Variants in CLUAP1 observed in about 807,000 individuals in gnomAD.
CLUAP1 encodes the protein intraflagellar transport 38.
CLUAP1 carries 50 observed loss-of-function variants against 55.0 expected under a neutral mutation model. That is an observed-to-expected ratio of 0.91 (90% CI 0.72 to 1.15). The LOEUF is 1.15. Among genes scored for constraint, CLUAP1 ranks in the 50% most tolerant of loss-of-function variants. CLUAP1 has a pLI of 0.00. For missense variants in CLUAP1, 530 were observed against 507.6 expected (o/e 1.04, Z -0.42); for synonymous variants, 195 against 175.4 (o/e 1.11, Z -0.88).
intron 10 of CLUAP1, among the ~76,000 whole-genome samples, chr16:3,531,521 C>CA (rs555725934): frequency 0.049 from 5,893 of 120,166 alleles, 143 homozygotes; most frequent in Admixed American, 0.08. Flanking sequence ...GACTCCGTCT[C>CA]AAAAAAAAAA....
At chr16:3,531,411 A>G (rs2151070372) in intron 10 of CLUAP1, among the ~76,000 whole-genome samples, 1 of 152,176 alleles carries the variant, frequency 6.6e-6, no homozygotes, top group East Asian at 1.9e-4. Flanking sequence ...AGTCCCAGCT[A>G]CTCGGGAGGC....
rs80187466 is a variant in CLUAP1, at chr16:3,504,840, G to T, written c.134+9G>T. The T allele has an allele frequency of 0.023, 33,300 of 1,469,892 alleles. 751 individuals carry two copies. Among genetic ancestry groups the T allele is most frequent in the African/African-American group, 0.1 (7,389 of 71,762 alleles). The allele number at this position is 1,469,892 out of a possible 1,614,324, so 91.1% of individuals were successfully genotyped here. On this transcript the variant is annotated intron_variant, in intron 2 of 11. Transcript: ENST00000576634. Reference sequence around the variant, plus strand: ...CTCTGGCTTGTGAAAAGGTTCGAACGGCACTTTATTGACATCTAAGAGTGA... The same window carrying T: ...CTCTGGCTTGTGAAAAGGTTCGAACTGCACTTTATTGACATCTAAGAGTGA...
chr16:3,511,008 G>A (rs1185660711), intron 4 of CLUAP1, among the ~76,000 whole-genome samples: 2 of 152,192 alleles, frequency 1.3e-5, no homozygotes, highest in African/African-American at 2.4e-5. Flanking sequence ...AGAAAAGACG[G>A]GGGGTCCAGG....
rs1481893938 is a variant in CLUAP1, at chr16:3,537,478, GGACAACTA to G, written c.*1208_*1215del. 4 of 152,114 alleles carry G rather than the reference GGACAACTA, an allele frequency of 2.6e-5. No individual in the cohort carries two copies. 9.4% of individuals were successfully genotyped at this position (152,114 alleles called of 1,614,324 possible). ...GAGCCCAGGAGTTTTAGACTAGCCTGGACAACTAAGTGAGACTCCATCTCTACAAAAAA... is the reference window on the plus strand; with the variant it reads ...GAGCCCAGGAGTTTTAGACTAGCCTGAGTGAGACTCCATCTCTACAAAAAA... On this transcript the variant is annotated 3_prime_UTR_variant, in exon 12 of 12. Transcript: ENST00000576634.
chr16:3,521,732 G>A (rs1004832551), intron 7 of CLUAP1, among the ~76,000 whole-genome samples: 2 of 151,586 alleles, frequency 1.3e-5, no homozygotes, highest in African/African-American at 4.8e-5. Context: ...CATCACGCCT[G>A]GCCTTTTTAA....
chr16:3,535,972 C>A, intron 11 of CLUAP1, 150 bp from the exon 12 acceptor site: 2 of 812,506 alleles, frequency 2.5e-6, no homozygotes, highest in East Asian at 2.7e-5. Context: ...TCAGTCCCAT[C>A]TGTATGCCCT....
the CLUAP1 span, chr16:3,495,592 A>G: frequency 5.3e-4 from 725 of 1,379,636 alleles, no homozygotes; most frequent in Non-Finnish European, 6.7e-4. Context: ...GACAGTGCCC[A>G]AGGCAAGGGC....
chr16:3,508,309 ACT>A lies in CLUAP1; in HGVS notation c.242_243del (p.Leu81GlnfsTer3). The A allele has an allele frequency of 6.2e-7, 1 of 1,602,490 alleles. No individual in the cohort carries two copies. Among genetic ancestry groups the A allele is most frequent in the Non-Finnish European group, 8.5e-7 (1 of 1,177,102 alleles). On this transcript the variant is annotated frameshift_variant, in exon 4 of 12. Transcript: ENST00000576634. LOFTEE classifies it high-confidence loss of function. Reference sequence around the variant, plus strand: ...AATAGGCCACCAAGGCACATATAAAACTCAACACTAAGAAGCTTTATCAAGCA... The same window carrying A: ...AATAGGCCACCAAGGCACATATAAAACAACACTAAGAAGCTTTATCAAGCA... ...QFMATKAHIK[L>X]NTKKLYQADG... is the part of the protein sequence containing the mutation.
At chr16:3,530,711 G>A (rs746327405) in intron 10 of CLUAP1, 36 bp downstream of exon 10, 16 of 1,547,404 alleles carry the variant, frequency 1.0e-5, no homozygotes, top group East Asian at 9.0e-5. Flanking sequence ...TCCTCCCTGC[G>A]CCCTGTTTCA....
At chr16:3,495,869 G>A in the CLUAP1 span, among the ~76,000 whole-genome samples, 1 of 152,180 alleles carries the variant, frequency 6.6e-6, no homozygotes, top group African/African-American at 2.4e-5. Flanking sequence ...ACTGTGGGAG[G>A]CCGAGGCAGG....
intron 9 of CLUAP1, 79 bp downstream of exon 9, chr16:3,526,563 A>G (rs2037948107): frequency 1.3e-6 from 1 of 788,214 alleles, no homozygotes; most frequent in Non-Finnish European, 1.7e-6. Flanking sequence ...AGAGATATAT[A>G]TATATTTTTT....
rs747199215 is a variant in CLUAP1 at position 3,526,500 on chromosome 16, G to A, written c.928+16G>A. Reference sequence around the variant, plus strand: ...AAGAGTGGAAGTAAGGCTGGGCTTCGTAGACGAGCAGTTTACTCTGGACTA... The same window carrying A: ...AAGAGTGGAAGTAAGGCTGGGCTTCATAGACGAGCAGTTTACTCTGGACTA... On this transcript the variant is annotated intron_variant, in intron 9 of 11. Coordinates refer to ENST00000576634, the MANE Select transcript of CLUAP1 (RefSeq NM_015041.3). The A allele has an allele frequency of 1.3e-5, 20 of 1,588,702 alleles. No homozygotes were observed. Among genetic ancestry groups the A allele is most frequent in the Non-Finnish European group, 1.5e-5 (17 of 1,167,586 alleles).
chr16:3,514,671 G>A (rs2037696951), intron 5 of CLUAP1, among the ~76,000 whole-genome samples: 1 of 152,220 alleles, frequency 6.6e-6, no homozygotes, highest in Admixed American at 6.5e-5. Context: ...CAGCTTCAGT[G>A]TCTGGCGAGG....
intron 11 of CLUAP1, 33 bp from the exon 12 acceptor site, chr16:3,536,089 T>G: frequency 2.5e-6 from 4 of 1,609,158 alleles, no homozygotes; most frequent in Non-Finnish European, 3.4e-6. Context: ...TGAGGCAGGA[T>G]CCCCCGTTGC....
chr16:3,507,177 C>G (rs544354686), intron 3 of CLUAP1, among the ~76,000 whole-genome samples: 1 of 144,442 alleles, frequency 6.9e-6, no homozygotes, highest in South Asian at 2.2e-4. Context: ...GCCTGGGCAA[C>G]AGAGCAAGAC....
At position 3,504,836 on chromosome 16, in the gene CLUAP1, G is replaced by C; in HGVS notation, c.134+5G>C. 4.0e-6 allele frequency: 6 copies of C among 1,505,292 alleles called. No homozygotes were observed. Among genetic ancestry groups the C allele is most frequent in the Non-Finnish European group, 4.6e-6 (5 of 1,081,012 alleles). The allele number at this position is 1,505,292 out of a possible 1,614,324, so 93.2% of individuals were successfully genotyped here. A position where few individuals can be genotyped will look rare whatever the true frequency, so the allele number is the denominator to read the frequency against. The stretch of plus-strand genomic sequence containing the variant: ...GCTTCTCTGGCTTGTGAAAAGGTTC[G>C]AACGGCACTTTATTGACATCTAAGA... On this transcript the variant is annotated splice_donor_5th_base_variant and intron_variant, in intron 2 of 11. Coordinates refer to ENST00000576634, the MANE Select transcript of CLUAP1 (RefSeq NM_015041.3).
At position 3,517,591 on chromosome 16, in the gene CLUAP1, C is replaced by A. The variant is rs535375792; in HGVS notation, c.579+2000C>A. On this transcript the variant is annotated intron_variant, in intron 6 of 11. Coordinates refer to ENST00000576634, the MANE Select transcript of CLUAP1 (RefSeq NM_015041.3). ...CCTCTCAAAGTGCTGGGATTACAGGCATGAGGCATTGTGCCTGGCCCGCAG... is the reference window on the plus strand; with the variant it reads ...CCTCTCAAAGTGCTGGGATTACAGGAATGAGGCATTGTGCCTGGCCCGCAG... 4.9e-4 allele frequency among the ~76,000 whole-genome samples: 74 copies of A among 152,212 alleles called. 1 individual carries two copies. Among genetic ancestry groups the A allele is most frequent in the Non-Finnish European group, 8.1e-4 (55 of 68,014 alleles).
rs2038226126 is a variant in CLUAP1, at chr16:3,536,115, C to G, written c.1093-7C>G. The G allele has an allele frequency of 6.2e-7, 1 of 1,612,200 alleles. No individual in the cohort carries two copies. Among genetic ancestry groups the G allele is most frequent in the Non-Finnish European group, 8.5e-7 (1 of 1,179,316 alleles). On this transcript the variant is annotated splice_region_variant and splice_polypyrimidine_tract_variant and intron_variant, in intron 11 of 11. Transcript: ENST00000576634. ...CCCCCGTTGCATCTGCCATTTTTTT[C>G]CTATAGGAGGACTCGGAGGAGAGTG...
In CLUAP1 at chr16:3,501,105, G is replaced by T. The variant is rs919462672; in HGVS notation, c.22+16G>T. 25 of 1,586,452 alleles carry T rather than the reference G, an allele frequency of 1.6e-5. No homozygotes were observed. The highest frequency in any genetic ancestry group is 2.1e-5 in the Non-Finnish European group (25 of 1,172,040). ...GACCTCCGCAGTAAGGCAGCCCCGC[G>T]CCCCTGTGACCTGCGGGTCTTCCAG... is the stretch of plus-strand genomic sequence containing the variant. On this transcript the variant is annotated intron_variant, in intron 1 of 11. Transcript: ENST00000576634.
Sources: allele counts gnomAD v4.1 joint callset (sites outside exome capture counted in the v4.1 genomes callset), GRCh38; gene constraint gnomAD v4.1.1; transcripts MANE v1.5; gene names NCBI Gene and HGNC (gene_info 2026-07-23, HGNC 2026-07-21).